ANO5: variants seen among roughly 807,000 people sequenced by gnomAD.
ANO5 encodes the protein anoctamin-5.
Under a neutral mutation model 121.0 loss-of-function variants are expected in ANO5, and 109 were observed. The ratio of observed to expected loss-of-function variants is 0.90; its 90% confidence interval spans 0.77 to 1.06. The LOEUF (loss-of-function observed/expected upper bound fraction) is 1.06, where lower values mean the gene tolerates loss of function less well. Ranked by LOEUF, ANO5 falls within the 50% of genes least tolerant of loss-of-function variation. The probability of loss-of-function intolerance (pLI) is 0.00; values close to 1 mark genes in which losing one functional copy is unlikely to be tolerated. For missense variants in ANO5, 1,064 were observed against 1,078.5 expected, an observed-to-expected ratio of 0.99 and a Z score of 0.19; for synonymous variants, 406 against 359.9, an observed-to-expected ratio of 1.13 and a Z score of -1.45.
At chr11:22,238,806 T>C (rs1419942192) in intron 8 of ANO5, among the ~76,000 whole-genome samples, 5 of 152,168 alleles carry the variant, frequency 3.3e-5, no homozygotes, top group Non-Finnish European at 4.4e-5. Context: ...GTTAGTTACA[T>C]ATGTATACAT....
Position 22,279,869 on chromosome 11 carries a change from T to C in ANO5, c.*104T>C, listed in dbSNP as rs975352503. ...ATGTGTCAATTTTACCCTTTCTTTT[T>C]TTTTTTTTTCTTTTTTTTTTTAAAC... On this transcript the variant is annotated 3_prime_UTR_variant, in exon 22 of 22. Coordinates refer to ENST00000324559, the MANE Select transcript of ANO5 (RefSeq NM_213599.3). 1.1e-5 allele frequency: 11 copies of C among 1,017,756 alleles called. No individual in the cohort carries two copies. The Admixed American group carries it at 2.7e-4, about 25-fold the overall frequency. 63.0% of individuals were successfully genotyped at this position (1,017,756 alleles called of 1,614,324 possible).
intron 12 of ANO5, among the ~76,000 whole-genome samples, chr11:22,254,137 CA>C (rs960632985): frequency 1.3e-4 from 20 of 151,378 alleles, no homozygotes; most frequent in East Asian, 3.9e-4. Context: ...AATAAACAAA[CA>C]AAAAAACAAC....
chr11:22,238,229 A>C (rs2133657436), intron 8 of ANO5, among the ~76,000 whole-genome samples: 1 of 152,106 alleles, frequency 6.6e-6, no homozygotes, highest in African/African-American at 2.4e-5. Flanking sequence ...TAGGTTAATA[A>C]ACACTTTGCA....
At chr11:22,200,415 A>G (rs1425246994) in intron 1 of ANO5, among the ~76,000 whole-genome samples, 2 of 152,196 alleles carry the variant, frequency 1.3e-5, no homozygotes, top group African/African-American at 4.8e-5. Context: ...TGAGGCAACC[A>G]TGGTACTTTG....
chr11:22,236,067 A>G, intron 7 of ANO5, 96 bp from the exon 8 acceptor site: 1 of 807,898 alleles, frequency 1.2e-6, no homozygotes, highest in African/African-American at 1.7e-5. Context: ...GCCTGTATCT[A>G]CATTCAAAGT....
intron 13 of ANO5, 45 bp downstream of exon 13, chr11:22,255,567 C>T: frequency 6.3e-7 from 1 of 1,599,258 alleles, no homozygotes; most frequent in Non-Finnish European, 8.6e-7. Context: ...TCAATGGACA[C>T]ACTGCTATAG....
chr11:22,227,235 T>C (rs1391304320), intron 6 of ANO5, 67 bp from the exon 7 acceptor site: 5 of 1,571,648 alleles, frequency 3.2e-6, no homozygotes, highest in Non-Finnish European at 4.4e-6. Flanking sequence ...TTATCCATCT[T>C]ATTTAATCAG....
At position 22,241,015 on chromosome 11, in the gene ANO5, A is replaced by G. The variant is rs75992028; in HGVS notation, c.878+1331A>G. 0.013 allele frequency among the ~76,000 whole-genome samples: 2,026 copies of G among 151,696 alleles called. 144 individuals are homozygous for G. The East Asian group carries it at 0.21, about 16-fold the overall frequency. ...TATTGAAAAACATTAGGCTGTCCCA[A>G]TTTTTTTATATAATTTCAACTTTTT... On this transcript the variant is annotated intron_variant, in intron 9 of 21. Transcript: ENST00000324559.
intron 1 of ANO5, among the ~76,000 whole-genome samples, chr11:22,201,039 C>T (rs955578096): frequency 7.2e-5 from 11 of 152,178 alleles, no homozygotes; most frequent in East Asian, 1.9e-4. Context: ...AACCTATGCA[C>T]ATCCTTGTGC....
intron 20 of ANO5, among the ~76,000 whole-genome samples, chr11:22,275,153 G>A (rs1854790418): frequency 2.6e-5 from 4 of 151,880 alleles, no homozygotes; most frequent in Admixed American, 2.6e-4. Flanking sequence ...CCTCAGAAAA[G>A]AGAGTGAGAC....
chr11:22,222,500 T>A (rs944002898), intron 5 of ANO5, among the ~76,000 whole-genome samples: 14 of 150,474 alleles, frequency 9.3e-5, no homozygotes, highest in African/African-American at 3.5e-4. Context: ...ACTGTCTGAT[T>A]ATACCTCAAA....
Position 22,260,169 on chromosome 11 carries a change from C to CTTTTCTAAATTAAA in ANO5, c.1630+428_1630+429insTTTTCTAAATTAAA, listed in dbSNP as rs1455146052. On this transcript the variant is annotated intron_variant, in intron 15 of 21. Coordinates refer to ENST00000324559, the MANE Select transcript of ANO5 (RefSeq NM_213599.3). The stretch of plus-strand genomic sequence containing the variant: ...TCTCCTAAATAAATCTAAATTTTAG[C>CTTTTCTAAATTAAA]GCTTTTCTTTTCTACTGCTATCTCT... Among the ~76,000 whole-genome samples the CTTTTCTAAATTAAA allele has an allele frequency of 3.9e-5, 6 of 152,172 alleles. No homozygotes were observed. The East Asian group carries it at 1.2e-3, about 29-fold the overall frequency.
chr11:22,265,997 T>C (rs774304038), intron 17 of ANO5, among the ~76,000 whole-genome samples: 2 of 152,182 alleles, frequency 1.3e-5, no homozygotes, highest in Non-Finnish European at 2.9e-5. Flanking sequence ...AAACAATTCA[T>C]TGATGAAAGA....
chr11:22,267,619 C>G (rs985486072), intron 17 of ANO5, among the ~76,000 whole-genome samples: 5 of 74,714 alleles, frequency 6.7e-5, no homozygotes, highest in Non-Finnish European at 1.2e-4. Flanking sequence ...AACAATCTCT[C>G]TCTTTTTTTT....
At chr11:22,238,128 C>A (rs976048217) in intron 8 of ANO5, among the ~76,000 whole-genome samples, 11 of 151,954 alleles carry the variant, frequency 7.2e-5, no homozygotes, top group African/African-American at 2.4e-4. Flanking sequence ...CCCACTGTCA[C>A]AATTTTTTTT....
rs567878499 is a variant in ANO5 at position 22,267,508 on chromosome 11, T to TTATATATATA, written c.1899-2797_1899-2788dup. On this transcript the variant is annotated intron_variant, in intron 17 of 21. Coordinates refer to ENST00000324559, the MANE Select transcript of ANO5 (RefSeq NM_213599.3). ...CTACATACCATATAAATATCTACAA[T>TTATATATATA]TATATATATATATATAAAATCTATC... is the stretch of plus-strand genomic sequence containing the variant. Among the ~76,000 whole-genome samples the TTATATATATA allele has an allele frequency of 2.8e-3, 357 of 126,098 alleles. 5 individuals are homozygous for TTATATATATA. Among genetic ancestry groups the TTATATATATA allele is most frequent in the African/African-American group, 0.016 (341 of 21,536 alleles). 82.7% of individuals were successfully genotyped at this position (126,098 alleles called of 152,430 possible).
At chr11:22,275,302 A>G (rs913447494) in intron 20 of ANO5, among the ~76,000 whole-genome samples, 1 of 143,616 alleles carries the variant, frequency 7.0e-6, no homozygotes, top group African/African-American at 2.5e-5. Flanking sequence ...TCACCATACA[A>G]TTTAAAGACA....
At chr11:22,238,084 G>A (rs1179107711) in intron 8 of ANO5, among the ~76,000 whole-genome samples, 1 of 152,054 alleles carries the variant, frequency 6.6e-6, no homozygotes, top group Non-Finnish European at 1.5e-5. Context: ...CTGTTGGTTA[G>A]ATTTGTGGGT....
chr11:22,250,993 A>G lies in ANO5; in HGVS notation c.1162A>G (p.Ile388Val), dbSNP rs756825991. The part of the protein sequence containing the change: ...FDNESTVFFA[I>V]FMGIWVTLFL... ...TAATGAGTCAACAGTGTTCTTTGCAATATTCATGGGAATTTGGGGTGAGTA... is the reference window on the plus strand; with the variant it reads ...TAATGAGTCAACAGTGTTCTTTGCAGTATTCATGGGAATTTGGGGTGAGTA... The change falls in exon 12 of 22, where the codon ATA becomes GTA. Residue 388 changes from isoleucine (I) to valine (V), a missense_variant. Physicochemically the swap from Ile to Val is conservative, Grantham distance 29. Coordinates refer to ENST00000324559, the MANE Select transcript of ANO5 (RefSeq NM_213599.3). 18 of 1,611,942 alleles carry G rather than the reference A, an allele frequency of 1.1e-5. No individual in the cohort carries two copies. The highest frequency in any genetic ancestry group is 1.5e-5 in the Non-Finnish European group (18 of 1,179,396).
Sources: gnomAD v4.1 joint callset for allele counts (sites outside exome capture counted in the v4.1 genomes callset) on GRCh38, gnomAD v4.1.1 for gene constraint, MANE v1.5 for transcripts, NCBI Gene and HGNC (gene_info 2026-07-23, HGNC 2026-07-21) for gene names.